Variants in CDC14A observed in about 807,000 individuals in gnomAD.
CDC14A encodes the protein cell division cycle 14A.
CDC14A carries 53 observed loss-of-function variants against 74.4 expected under a neutral mutation model. The observed-to-expected ratio is 0.71, with a 90% CI of 0.57 to 0.89. The LOEUF (loss-of-function observed/expected upper bound fraction) is 0.89. Ranked by LOEUF, CDC14A falls within the 40% of genes least tolerant of loss-of-function variation. CDC14A has a pLI of 0.00. For missense variants in CDC14A, 646 were observed against 713.7 expected, an observed-to-expected ratio of 0.91 and a Z score of 1.08; for synonymous variants, 247 against 258.4, an observed-to-expected ratio of 0.96 and a Z score of 0.43.
At chr1:100,414,411 G>T (rs1339232144) in intron 4 of CDC14A, among the ~76,000 whole-genome samples, 2 of 152,210 alleles carry the variant, frequency 1.3e-5, no homozygotes, top group African/African-American at 4.8e-5. Context: ...TTCTATAATT[G>T]CTAACAGGTG....
intron 2 of CDC14A, among the ~76,000 whole-genome samples, chr1:100,375,541 G>GA (rs1210790968): frequency 6.6e-6 from 1 of 152,024 alleles, no homozygotes; most frequent in African/African-American, 2.4e-5. Flanking sequence ...ACAGACACAT[G>GA]AAAAAATGCT....
At chr1:100,416,588 A>G (rs1191434548) in intron 4 of CDC14A, among the ~76,000 whole-genome samples, 1 of 152,142 alleles carries the variant, frequency 6.6e-6, no homozygotes, top group Non-Finnish European at 1.5e-5. Flanking sequence ...TCATATTCTG[A>G]TGTTTGTATA....
chr1:100,474,199 A>T (rs529573695), intron 10 of CDC14A, among the ~76,000 whole-genome samples: 1 of 152,202 alleles, frequency 6.6e-6, no homozygotes, highest in African/African-American at 2.4e-5. Context: ...AATAAACACC[A>T]TTTGGTCATG....
intron 4 of CDC14A, among the ~76,000 whole-genome samples, chr1:100,420,057 C>CATATATATATATATATAT (rs1383225482): frequency 6.5e-5 from 2 of 30,578 alleles, no homozygotes; most frequent in African/African-American, 2.8e-4. Flanking sequence ...CACACACACA[C>CATATATATATATATATAT]ACACACATAT....
intron 4 of CDC14A, among the ~76,000 whole-genome samples, chr1:100,420,063 C>CACACACACACACATATATATAT: frequency 1.9e-4 from 12 of 61,592 alleles, no homozygotes; most frequent in African/African-American, 4.8e-4. Flanking sequence ...CACACACACA[C>CACACACACACACATATATATAT]ATATATATAT....
chr1:100,412,696 T>TTATATATATATATATATATATA (rs139550432), intron 4 of CDC14A, among the ~76,000 whole-genome samples: 4 of 74,102 alleles, frequency 5.4e-5, no homozygotes, highest in African/African-American at 4.6e-4. Context: ...CCTGTATGTT[T>TTATATATATATATATATATATA]TATATATATA....
At chr1:100,474,895 G>A (rs1668739778) in intron 10 of CDC14A, among the ~76,000 whole-genome samples, 1 of 151,680 alleles carries the variant, frequency 6.6e-6, no homozygotes, top group Non-Finnish European at 1.5e-5. Context: ...GGATTTCATT[G>A]GAATTATCCT....
intron 11 of CDC14A, among the ~76,000 whole-genome samples, chr1:100,489,545 A>ATGTTGT (rs148770009): frequency 6.8e-6 from 1 of 148,004 alleles, no homozygotes; most frequent in Admixed American, 6.7e-5. Flanking sequence ...TTTATTCTTC[A>ATGTTGT]TGTTGTTGTT....
intron 10 of CDC14A, among the ~76,000 whole-genome samples, chr1:100,482,161 A>C (rs1365438650): frequency 6.6e-6 from 1 of 152,226 alleles, no homozygotes; most frequent in Non-Finnish European, 1.5e-5. Flanking sequence ...TGGCAGCAGC[A>C]TCAGAATTTT....
chr1:100,369,867 G>A (rs1368480139), intron 2 of CDC14A, among the ~76,000 whole-genome samples: 2 of 149,668 alleles, frequency 1.3e-5, no homozygotes, highest in African/African-American at 4.9e-5. Flanking sequence ...TTGGAGTGCT[G>A]TGGCATAATC....
At chr1:100,377,114 A>G (rs1326820353) in intron 2 of CDC14A, among the ~76,000 whole-genome samples, 7 of 150,224 alleles carry the variant, frequency 4.7e-5, no homozygotes, top group Admixed American at 2.7e-4. Context: ...GGCTCACCGC[A>G]ACCTCCACCT....
rs1229937096 is a variant in CDC14A at position 100,484,352 on chromosome 1, A to C, written c.1038A>C (p.Pro346=). ...TCCGATCCAAACTGAAAAATCGACC[A>C]TCCAGTGAAGGAAGTATTAATAAAA... ...DIFRSKLKNR[P]SSEGSINKIL... is the part of the protein sequence containing the mutation. The change falls in exon 11 of 16, where the codon CCA becomes CCC. Residue 346 remains proline, a synonymous_variant. Transcript: ENST00000336454. 1 of 1,606,816 alleles carries C rather than the reference A, an allele frequency of 6.2e-7. No homozygotes were observed.
intron 4 of CDC14A, among the ~76,000 whole-genome samples, chr1:100,400,368 A>G (rs1212432027): frequency 1.3e-5 from 2 of 152,244 alleles, no homozygotes; most frequent in Non-Finnish European, 2.9e-5. Context: ...AAGTTGGTTC[A>G]AAATAATAAA....
intron 4 of CDC14A, among the ~76,000 whole-genome samples, chr1:100,397,087 T>G (rs1462131474): frequency 6.6e-6 from 1 of 152,120 alleles, no homozygotes; most frequent in Non-Finnish European, 1.5e-5. Context: ...ATTTTATGTG[T>G]GGCCCAAGAC....
intron 15 of CDC14A, among the ~76,000 whole-genome samples, chr1:100,502,653 C>T (rs1648872544): frequency 6.6e-6 from 1 of 152,196 alleles, no homozygotes; most frequent in South Asian, 2.1e-4. Flanking sequence ...AGCTGAATGC[C>T]AGTAGCATTG....
chr1:100,442,827 T>G (rs1026500873), intron 6 of CDC14A, 107 bp from the exon 7 acceptor site: 2 of 755,884 alleles, frequency 2.6e-6, no homozygotes, highest in Non-Finnish European at 4.6e-6. Context: ...GGTTTCAAGC[T>G]GTCTCTTCAG....
chr1:100,439,516 C>T (rs945953714), intron 5 of CDC14A, among the ~76,000 whole-genome samples: 13 of 152,132 alleles, frequency 8.5e-5, no homozygotes, highest in African/African-American at 2.7e-4. Context: ...TTCCTATGTA[C>T]CAGCCACTAT....
In CDC14A at chr1:100,519,105, A is replaced by G. The variant is rs374782479; in HGVS notation, c.*825A>G. 2.0e-5 allele frequency: 3 copies of G among 152,096 alleles called. No individual in the cohort carries two copies. Among genetic ancestry groups the G allele is most frequent in the African/African-American group, 7.2e-5 (3 of 41,420 alleles). 9.4% of individuals were successfully genotyped at this position (152,096 alleles called of 1,614,324 possible). ...TGGTTTTTCTCTATGAAATGACTCAATATTCCAAATGTTTTTTTTTCCTTC... is the reference window on the plus strand; with the variant it reads ...TGGTTTTTCTCTATGAAATGACTCAGTATTCCAAATGTTTTTTTTTCCTTC... On this transcript the variant is annotated 3_prime_UTR_variant, in exon 16 of 16. Coordinates refer to ENST00000336454, the MANE Select transcript of CDC14A (RefSeq NM_003672.4).
intron 2 of CDC14A, among the ~76,000 whole-genome samples, chr1:100,364,642 C>T (rs749075117): frequency 1.3e-5 from 2 of 152,194 alleles, no homozygotes; most frequent in Non-Finnish European, 2.9e-5. Context: ...CAAAGCTTTG[C>T]ATATACTGTC....
Sources: allele counts gnomAD v4.1 joint callset (sites outside exome capture counted in the v4.1 genomes callset), GRCh38; gene constraint gnomAD v4.1.1; transcripts MANE v1.5; gene names NCBI Gene and HGNC (gene_info 2026-07-23, HGNC 2026-07-21).